PCDH15: variants seen among roughly 807,000 people sequenced by gnomAD.
PCDH15 encodes protocadherin-15.
In PCDH15, 129 loss-of-function variants were observed where a neutral mutation model predicts 178.5. The observed-to-expected ratio is 0.72, with a 90% CI of 0.63 to 0.84. PCDH15 has a LOEUF of 0.84. Ranked by LOEUF, PCDH15 falls within the 40% of genes least tolerant of loss-of-function variation. The probability of loss-of-function intolerance (pLI) is 0.00; values close to 1 mark genes in which losing one functional copy is unlikely to be tolerated. For synonymous variants in PCDH15, 800 were observed against 732.0 expected, an observed-to-expected ratio of 1.09 and a Z score of -1.50; for missense variants, 2,230 against 2,099.9, an observed-to-expected ratio of 1.06 and a Z score of -1.21.
intron 23 of PCDH15, among the ~76,000 whole-genome samples, chr10:53,946,847 G>T (rs1002208064): frequency 1.3e-5 from 2 of 152,042 alleles, no homozygotes; most frequent in African/African-American, 4.8e-5. Context: ...GCGCGATCTC[G>T]GCTCACTGCA....
At chr10:54,210,107 T>C (rs2051251991) in intron 10 of PCDH15, among the ~76,000 whole-genome samples, 1 of 152,170 alleles carries the variant, frequency 6.6e-6, no homozygotes, top group African/African-American at 2.4e-5. Context: ...GAAACACATT[T>C]TTTGACGCAG....
chr10:55,041,989 G>A (rs1233919846), intron 2 of PCDH15, among the ~76,000 whole-genome samples: 3 of 152,028 alleles, frequency 2.0e-5, no homozygotes, highest in African/African-American at 4.8e-5. Context: ...ATTACACAGT[G>A]TATTACTATT....
intron 23 of PCDH15, among the ~76,000 whole-genome samples, chr10:53,941,482 C>T (rs768774903): frequency 7.9e-5 from 12 of 152,312 alleles, no homozygotes; most frequent in Admixed American, 1.3e-4. Flanking sequence ...TGCTCCTCAA[C>T]ATCTATGGCT....
chr10:55,086,674 C>T (rs1174229858), intron 2 of PCDH15, among the ~76,000 whole-genome samples: 1 of 152,004 alleles, frequency 6.6e-6, no homozygotes, highest in Non-Finnish European at 1.5e-5. Flanking sequence ...CCCTAGACTC[C>T]ATGGAATTCT....
chr10:54,140,387 A>AT (rs904613332), intron 14 of PCDH15, among the ~76,000 whole-genome samples: 7 of 152,012 alleles, frequency 4.6e-5, no homozygotes, highest in East Asian at 3.9e-4. Flanking sequence ...CATCAGGTTA[A>AT]TTTTTTTTGG....
chr10:55,294,758 C>A (rs1208410893), intron 1 of PCDH15, among the ~76,000 whole-genome samples: 1 of 152,116 alleles, frequency 6.6e-6, no homozygotes, highest in Admixed American at 6.6e-5. Context: ...GAATTGCTCA[C>A]TCTCACATAT....
intron 13 of PCDH15, among the ~76,000 whole-genome samples, chr10:54,179,159 G>C (rs1364015231): frequency 6.6e-6 from 1 of 151,974 alleles, no homozygotes; most frequent in Admixed American, 6.6e-5. Flanking sequence ...CAAAGACTTG[G>C]AACCAACCCA....
intron 14 of PCDH15, among the ~76,000 whole-genome samples, chr10:54,140,961 C>G (rs2043353126): frequency 6.6e-6 from 1 of 152,128 alleles, no homozygotes; most frequent in African/African-American, 2.4e-5. Flanking sequence ...GGATTACAGG[C>G]ATGAGCCACC....
At chr10:55,086,530 C>T (rs1487655226) in intron 2 of PCDH15, among the ~76,000 whole-genome samples, 2 of 152,124 alleles carry the variant, frequency 1.3e-5, no homozygotes, top group South Asian at 2.1e-4. Context: ...GATATATCTT[C>T]CACTGAGCAC....
At chr10:54,621,937 GAA>G (rs576384276) in intron 2 of PCDH15, among the ~76,000 whole-genome samples, 360 of 152,152 alleles carry the variant, frequency 2.4e-3, no homozygotes, top group African/African-American at 8.2e-3. Context: ...AGAAAGGAAA[GAA>G]GAGGTATTTT....
At chr10:54,893,510 A>G (rs1954498862) in intron 3 of PCDH15, among the ~76,000 whole-genome samples, 1 of 152,020 alleles carries the variant, frequency 6.6e-6, no homozygotes, top group African/African-American at 2.4e-5. Context: ...AATAAAGTAA[A>G]TTGTCCTTGA....
At chr10:55,017,325 A>T (rs945600866) in intron 2 of PCDH15, among the ~76,000 whole-genome samples, 59 of 152,104 alleles carry the variant, frequency 3.9e-4, no homozygotes, top group African/African-American at 1.3e-3. Flanking sequence ...TGCTGTTCTA[A>T]TATAGTTTAA....
At chr10:54,111,413 AG>A (rs2095021164) in intron 15 of PCDH15, among the ~76,000 whole-genome samples, 1 of 152,130 alleles carries the variant, frequency 6.6e-6, no homozygotes, top group Non-Finnish European at 1.5e-5. Context: ...TCAATTAGAA[AG>A]GAAAAAAAAA....
At chr10:54,928,626 G>A (rs75226291) in intron 2 of PCDH15, among the ~76,000 whole-genome samples, 147 of 152,072 alleles carry the variant, frequency 9.7e-4, no homozygotes, top group Non-Finnish European at 1.5e-3. Context: ...TGGCGGTTTC[G>A]TTCATTCCTT....
At chr10:54,826,507 T>A (rs1442688901) in intron 3 of PCDH15, among the ~76,000 whole-genome samples, 1 of 151,656 alleles carries the variant, frequency 6.6e-6, no homozygotes, top group Non-Finnish European at 1.5e-5. Flanking sequence ...TGTCATATTG[T>A]GGGGAATACA....
At chr10:54,996,826 G>A (rs1229115524) in intron 2 of PCDH15, among the ~76,000 whole-genome samples, 2 of 152,000 alleles carry the variant, frequency 1.3e-5, no homozygotes, top group South Asian at 2.1e-4. Context: ...AAATCAAACT[G>A]CTGGCTGGGC....
chr10:54,204,585 A>G lies in PCDH15; in HGVS notation c.1099-8696T>C, dbSNP rs148637536. Among the ~76,000 whole-genome samples, 938 of 127,624 alleles carry G rather than the reference A, an allele frequency of 7.3e-3. 9 individuals are homozygous for G. The highest frequency in any genetic ancestry group is 0.024 in the African/African-American group (772 of 32,694). The allele number at this position is 127,624 out of a possible 152,430, so 83.7% of individuals were successfully genotyped here. A position where few individuals can be genotyped will look rare whatever the true frequency, so the allele number is the denominator to read the frequency against. On this transcript the variant is annotated intron_variant, in intron 10 of 37. Coordinates refer to ENST00000644397, the MANE Select transcript of PCDH15 (RefSeq NM_001384140.1). ...TCCTGTATGTCAGCAGCATGTCAGC[A>G]TTTCAATAAAAATGTTACTAAAAAA...
intron 2 of PCDH15, among the ~76,000 whole-genome samples, chr10:54,910,159 T>C (rs1291448270): frequency 6.6e-6 from 1 of 152,148 alleles, no homozygotes; most frequent in East Asian, 1.9e-4. Flanking sequence ...CCACAGTTGC[T>C]CCTGCTGCCA....
intron 1 of PCDH15, among the ~76,000 whole-genome samples, chr10:54,771,728 T>C (rs72796531): frequency 0.069 from 10,471 of 152,196 alleles, 487 homozygotes; most frequent in Middle Eastern, 0.095. Flanking sequence ...ATATTCCTTA[T>C]ACTAATATTT....
Sources: gnomAD v4.1 joint callset for allele counts (sites outside exome capture counted in the v4.1 genomes callset) on GRCh38, gnomAD v4.1.1 for gene constraint, MANE v1.5 for transcripts, NCBI Gene and HGNC (gene_info 2026-07-23, HGNC 2026-07-21) for gene names.